ANKRD52: variants seen among roughly 807,000 people sequenced by gnomAD.
ANKRD52 encodes ankyrin repeat domain 52.
A neutral mutation model predicts 116.0 loss-of-function variants in ANKRD52; 7 were observed. That is an observed-to-expected ratio of 0.06 (90% confidence interval 0.03 to 0.11). ANKRD52 has a LOEUF of 0.11. Among genes scored for constraint, ANKRD52 ranks in the 10% least tolerant of loss-of-function variants. The pLI is 1.00. For missense variants in ANKRD52, 839 were observed against 1,408.6 expected (o/e 0.60, Z 6.47); for synonymous variants, 528 against 578.1 (o/e 0.91, Z 1.24).
intron 1 of ANKRD52, 72 bp from the exon 2 acceptor site, chr12:56,257,983 G>GTGGGGT (rs1279323795): frequency 1.8e-6 from 2 of 1,121,986 alleles, no homozygotes; most frequent in Non-Finnish European, 2.6e-6. Flanking sequence ...GGGGGTGGGG[G>GTGGGGT]AGCACCTAGG....
Position 56,238,122 on chromosome 12 carries a change from C to A in ANKRD52, c.*5020G>T, listed in dbSNP as rs1471480553. On this transcript the variant is annotated 3_prime_UTR_variant, in exon 28 of 28. Coordinates refer to ENST00000267116, the MANE Select transcript of ANKRD52 (RefSeq NM_173595.4). ...TGCTGCCCACCAGCGTTAAACGCCC[C>A]CGATCCCAACACTAGCACCACAGGT... 1.1e-5 allele frequency: 2 copies of A among 185,994 alleles called. No individual in the cohort carries two copies. The highest frequency in any genetic ancestry group is 2.2e-5 in the Non-Finnish European group (2 of 90,926). The allele number at this position is 185,994 out of a possible 1,614,324, so 11.5% of individuals were successfully genotyped here. A position where few individuals can be genotyped will look rare whatever the true frequency, so the allele number is the denominator to read the frequency against.
At chr12:56,250,652 G>C (rs1871644463) in intron 15 of ANKRD52, among the ~76,000 whole-genome samples, 1 of 150,926 alleles carries the variant, frequency 6.6e-6, no homozygotes, top group South Asian at 2.1e-4. Flanking sequence ...GGGAGTCTGA[G>C]GCAGGAGGAT....
chr12:56,237,941 G>A lies in ANKRD52; in HGVS notation c.*5201C>T, dbSNP rs1206438783. On this transcript the variant is annotated 3_prime_UTR_variant, in exon 28 of 28. Transcript: ENST00000267116. Reference sequence around the variant, plus strand: ...AGCCGGTTGGGGGAGGATGTGAGTAGGGGCCTGGAGGGTGCAGGGTCATTA... The same window carrying A: ...AGCCGGTTGGGGGAGGATGTGAGTAAGGGCCTGGAGGGTGCAGGGTCATTA... 5 of 554,376 alleles carry A rather than the reference G, an allele frequency of 9.0e-6. No individual in the cohort carries two copies. The highest frequency in any genetic ancestry group is 7.3e-5 in the Admixed American group (2 of 27,328). 34.3% of individuals were successfully genotyped at this position (554,376 alleles called of 1,614,324 possible). A position where few individuals can be genotyped will look rare whatever the true frequency, so the allele number is the denominator to read the frequency against.
chr12:56,253,711 C>T lies in ANKRD52; in HGVS notation c.985+11G>A, dbSNP rs1871809171. 4 of 1,613,190 alleles carry T rather than the reference C, an allele frequency of 2.5e-6. No individual in the cohort carries two copies. Among genetic ancestry groups the T allele is most frequent in the Non-Finnish European group, 3.4e-6 (4 of 1,179,416 alleles). On this transcript the variant is annotated intron_variant, in intron 9 of 27. Coordinates refer to ENST00000267116, the MANE Select transcript of ANKRD52 (RefSeq NM_173595.4). The surrounding 1 kb of genome is among the most constrained non-coding windows in gnomAD (Gnocchi z 5.5). The stretch of plus-strand genomic sequence containing the variant: ...GAGGGGATGAGAGCACAAAGTCTCC[C>T]AGGTCCATACCATTCTGGATGAGGA...
At chr12:56,257,237 T>G in intron 3 of ANKRD52, 46 bp downstream of exon 3, 3 of 1,556,130 alleles carry the variant, frequency 1.9e-6, no homozygotes, top group Non-Finnish European at 2.6e-6. Context: ...ACTCCTCCCC[T>G]CCCTTCGCTC....
chr12:56,254,626 G>T lies in ANKRD52; in HGVS notation c.645C>A (p.Ala215=), dbSNP rs1164967638. Reference sequence around the variant, plus strand: ...ACTTCACCACTTCAATCTGGCCACTGGCAGCAGCTGTATGGAGCAGCCCAT... The same window carrying T: ...ACTTCACCACTTCAATCTGGCCACTTGCAGCAGCTGTATGGAGCAGCCCAT... The part of the protein sequence containing the change: ...KGYGLLHTAA[A]SGQIEVVKYL... Residue 215 remains alanine, a synonymous_variant, in exon 7 of 28, where the codon GCC becomes GCA. Coordinates refer to ENST00000267116, the MANE Select transcript of ANKRD52 (RefSeq NM_173595.4). The surrounding 1 kb of genome is among the most constrained non-coding windows in gnomAD (Gnocchi z 4.6). 6.2e-7 allele frequency: 1 copy of T among 1,613,850 alleles called. No individual in the cohort carries two copies. Among genetic ancestry groups the T allele is most frequent in the African/African-American group, 1.3e-5 (1 of 74,938 alleles).
chr12:56,241,880 G>GC lies in ANKRD52; in HGVS notation c.*1261dup. On this transcript the variant is annotated 3_prime_UTR_variant, in exon 28 of 28. Transcript: ENST00000267116. ...CGACTTTAGAAATCTTATCAGTGCA[G>GC]CCCCCAGCTCAATCCCATCTTTCCT... 1 of 397,894 alleles carries GC rather than the reference G, an allele frequency of 2.5e-6. No homozygotes were observed. 24.6% of individuals were successfully genotyped at this position (397,894 alleles called of 1,614,324 possible). A position where few individuals can be genotyped will look rare whatever the true frequency, so the allele number is the denominator to read the frequency against.
At position 56,247,673 on chromosome 12, in the gene ANKRD52, T is replaced by C. The variant is rs777713056; in HGVS notation, c.2066+14A>G. 1.9e-6 allele frequency: 3 copies of C among 1,607,644 alleles called. No homozygotes were observed. In the African/African-American group the frequency reaches 4.0e-5, roughly 21 times the overall value. ...GGACTGGAAAACCTGCACCCCACCC[T>C]GGCCCACACTCACTGTCCATAGGCA... is the stretch of plus-strand genomic sequence containing the variant. On this transcript the variant is annotated intron_variant, in intron 19 of 27. Coordinates refer to ENST00000267116, the MANE Select transcript of ANKRD52 (RefSeq NM_173595.4).
At chr12:56,246,640 G>A (rs964295450) in intron 20 of ANKRD52, among the ~76,000 whole-genome samples, 2 of 152,094 alleles carry the variant, frequency 1.3e-5, no homozygotes, top group Admixed American at 6.5e-5. Flanking sequence ...CACAGATATT[G>A]GCCAGGCACA....
chr12:56,256,579 T>G (rs1871964480), intron 4 of ANKRD52, among the ~76,000 whole-genome samples: 1 of 152,098 alleles, frequency 6.6e-6, no homozygotes, highest in African/African-American at 2.4e-5. Context: ...TCAGGGCTGA[T>G]GGGAATAGGA....
At position 56,255,055 on chromosome 12, in the gene ANKRD52, G is replaced by A; in HGVS notation, c.463-103C>T. The A allele has an allele frequency of 3.2e-6, 4 of 1,233,088 alleles. No individual in the cohort carries two copies. Among genetic ancestry groups the A allele is most frequent in the African/African-American group, 1.5e-5 (1 of 66,820 alleles). The allele number at this position is 1,233,088 out of a possible 1,614,324, so 76.4% of individuals were successfully genotyped here. Reference sequence around the variant, plus strand: ...CCTGAAAAGGCTGAGGCAGCCTAATGCCTTTTTCCATGAGCAAAACAACCT... The same window carrying A: ...CCTGAAAAGGCTGAGGCAGCCTAATACCTTTTTCCATGAGCAAAACAACCT... On this transcript the variant is annotated intron_variant, in intron 5 of 27. Transcript: ENST00000267116. The surrounding 1 kb of genome is among the most constrained non-coding windows in gnomAD (Gnocchi z 4.3).
Position 56,252,476 on chromosome 12 carries a change from A to G in ANKRD52, c.1370+26T>C, listed in dbSNP as rs1186096073. 19 of 1,607,694 alleles carry G rather than the reference A, an allele frequency of 1.2e-5. No individual in the cohort carries two copies. Among genetic ancestry groups the G allele is most frequent in the Non-Finnish European group, 1.5e-5 (18 of 1,174,374 alleles). On this transcript the variant is annotated intron_variant, in intron 13 of 27. Coordinates refer to ENST00000267116, the MANE Select transcript of ANKRD52 (RefSeq NM_173595.4). This position sits in a 1 kb window ranked among gnomAD's most constrained non-coding sequence, Gnocchi z 4.7. ...TTGTTTCTCTAATCAGATATTCCCT[A>G]TGTTTACCCCTGCATATTAGCATAC...
rs747223937 is a variant in ANKRD52, at chr12:56,245,373, G to C, written c.2404+4C>G. The C allele has an allele frequency of 1.2e-6, 2 of 1,610,202 alleles. No homozygotes were observed. Among genetic ancestry groups the C allele is most frequent in the East Asian group, 2.2e-5 (1 of 44,764 alleles). On this transcript the variant is annotated splice_donor_region_variant and intron_variant, in intron 21 of 27. Coordinates refer to ENST00000267116, the MANE Select transcript of ANKRD52 (RefSeq NM_173595.4). The stretch of plus-strand genomic sequence containing the variant: ...CTGTGCCTGTGGAGGCCCCAGTCTA[G>C]TACCAGTGTAGGAGGCCCAGTGCAT...
At position 56,253,359 on chromosome 12, in the gene ANKRD52, C is replaced by G; in HGVS notation, c.1029G>C (p.Leu343=). The change falls in exon 10 of 28, where the codon CTG becomes CTC. Residue 343 remains leucine, a synonymous_variant. Transcript: ENST00000267116. The surrounding 1 kb of genome is among the most constrained non-coding windows in gnomAD (Gnocchi z 5.5). ...CGTGTCCATATCGAGCAGCCACATGCAGTGGCGTGTTCCCAAATTTGTCGG... is the reference window on the plus strand; with the variant it reads ...CGTGTCCATATCGAGCAGCCACATGGAGTGGCGTGTTCCCAAATTTGTCGG... ...DCADKFGNTP[L]HVAARYGHEL... 1 of 1,613,984 alleles carries G rather than the reference C, an allele frequency of 6.2e-7. No homozygotes were observed. Among genetic ancestry groups the G allele is most frequent in the African/African-American group, 1.3e-5 (1 of 75,064 alleles).
At chr12:56,257,563 C>G (rs1272398999) in intron 2 of ANKRD52, among the ~76,000 whole-genome samples, 1 of 152,010 alleles carries the variant, frequency 6.6e-6, no homozygotes, top group Non-Finnish European at 1.5e-5. Context: ...AAGCCGGCTC[C>G]TTTTTCCAGG....
Position 56,254,174 on chromosome 12 carries a change from G to T in ANKRD52, c.799C>A (p.Gln267Lys). 1 of 1,613,940 alleles carries T rather than the reference G, an allele frequency of 6.2e-7. No homozygotes were observed. The highest frequency in any genetic ancestry group is 8.5e-7 in the Non-Finnish European group (1 of 1,179,878). The part of the protein sequence containing the change: ...ELVNAGANVN[Q>K]PNDKGFTPLH... Reference sequence around the variant, plus strand: ...GGCGTGAAGCCCTTGTCATTCGGCTGGTTGACATTGGCTCCGGCATTCACC... The same window carrying T: ...GGCGTGAAGCCCTTGTCATTCGGCTTGTTGACATTGGCTCCGGCATTCACC... Residue 267 changes from glutamine to lysine, a missense_variant, in exon 8 of 28, where the codon CAG becomes AAG. Coordinates refer to ENST00000267116, the MANE Select transcript of ANKRD52 (RefSeq NM_173595.4). The surrounding 1 kb of genome is among the most constrained non-coding windows in gnomAD (Gnocchi z 4.6).
chr12:56,253,090 G>C lies in ANKRD52; in HGVS notation c.1101-4C>G, dbSNP rs1324832934. 14 of 1,563,974 alleles carry C rather than the reference G, an allele frequency of 9.0e-6. No homozygotes were observed. Among genetic ancestry groups the C allele is most frequent in the Admixed American group, 1.9e-5 (1 of 52,376 alleles). ...GAACATGTCATGGATGCCACGCCTA[G>C]AGAGAAGTTGAGGGACTCAGTCCTT... On this transcript the variant is annotated splice_region_variant and splice_polypyrimidine_tract_variant and intron_variant, in intron 10 of 27. Transcript: ENST00000267116. This position sits in a 1 kb window ranked among gnomAD's most constrained non-coding sequence, Gnocchi z 5.5.
chr12:56,246,124 G>C (rs1451891202), intron 20 of ANKRD52, among the ~76,000 whole-genome samples: 1 of 151,810 alleles, frequency 6.6e-6, no homozygotes, highest in Non-Finnish European at 1.5e-5. Flanking sequence ...CTGCCTCCCA[G>C]GTTCCAGCAA....
chr12:56,257,344 A>G lies in ANKRD52; in HGVS notation c.129T>C (p.Thr43=), dbSNP rs1285898163. ...CTACGTAGGCAGCAGCATGCAATGGAGTTCGCCTCTCTTGGTCCTGGGAAG... is the reference window on the plus strand; with the variant it reads ...CTACGTAGGCAGCAGCATGCAATGGGGTTCGCCTCTCTTGGTCCTGGGAAG... ...NINVLDQERR[T]PLHAAAYVGD... The change falls in exon 3 of 28, where the codon ACT becomes ACC. Residue 43 remains threonine, a synonymous_variant. Transcript: ENST00000267116. 11 of 1,593,690 alleles carry G rather than the reference A, an allele frequency of 6.9e-6. No homozygotes were observed. Among genetic ancestry groups the G allele is most frequent in the Non-Finnish European group, 8.5e-6 (10 of 1,170,220 alleles).
Sources: allele counts gnomAD v4.1 joint callset (sites outside exome capture counted in the v4.1 genomes callset), GRCh38; gene constraint gnomAD v4.1.1; non-coding constraint Gnocchi (gnomAD v3.1); transcripts MANE v1.5; gene names NCBI Gene and HGNC (gene_info 2026-07-23, HGNC 2026-07-21).